The following FALEC variants were observed in gnomAD, a reference collection of about 807,000 sequenced individuals.
FALEC encodes focally amplified lncRNA regulator of ECM1.
chr1:150,520,631 T>C (rs893956722), downstream of FALEC, among the ~76,000 whole-genome samples: 2 of 152,182 alleles, frequency 1.3e-5, no homozygotes, highest in Non-Finnish European at 2.9e-5. Context: ...TTGTGAATAA[T>C]GCACAATTAT....
At chr1:150,522,867 G>A (rs148709038), downstream of FALEC, among the ~76,000 whole-genome samples, 32,919 of 67,374 alleles carry the variant, frequency 0.49, 8,522 homozygotes, top group Non-Finnish European at 0.52. Context: ...ATATATATAC[G>A]TATATATACA....
chr1:150,528,491 A>T, the FALEC span, among the ~76,000 whole-genome samples: 6 of 150,552 alleles, frequency 4.0e-5, no homozygotes, highest in Non-Finnish European at 7.4e-5. Context: ...CCTCAGGGAG[A>T]CCTTCCTGAA....
chr1:150,534,840 CAAA>C, the FALEC span, among the ~76,000 whole-genome samples: 23 of 121,052 alleles, frequency 1.9e-4, no homozygotes, highest in East Asian at 2.7e-4. Flanking sequence ...GACTCTGTCT[CAAA>C]AAAAAAAAAA....
At chr1:150,536,693 T>C in the FALEC span, among the ~76,000 whole-genome samples, 25,657 of 151,788 alleles carry the variant, frequency 0.17, 2,587 homozygotes, top group African/African-American at 0.29. Flanking sequence ...GGAGGCTGAG[T>C]GGGGAGGATA....
chr1:150,535,215 A>AGGG, the FALEC span, among the ~76,000 whole-genome samples: 64,874 of 151,724 alleles, frequency 0.43, 14,318 homozygotes, highest in Non-Finnish European at 0.49. Flanking sequence ...GTGTTGACAA[A>AGGG]CAGTATTTTT....
At chr1:150,532,345 G>A in the FALEC span, among the ~76,000 whole-genome samples, 2,394 of 152,340 alleles carry the variant, frequency 0.016, 31 homozygotes, top group Middle Eastern at 0.041. Context: ...GGACCACAGA[G>A]TTGGCTGTTA....
the FALEC span, among the ~76,000 whole-genome samples, chr1:150,529,016 CAAAA>C: frequency 2.5e-4 from 15 of 59,288 alleles, no homozygotes; most frequent in Admixed American, 6.4e-4. Context: ...AAATAAATAG[CAAAA>C]AAAAAAAAAA....
chr1:150,521,598 G>A (rs587649378), downstream of FALEC, among the ~76,000 whole-genome samples: 1 of 152,300 alleles, frequency 6.6e-6, no homozygotes, highest in Non-Finnish European at 1.5e-5. Context: ...TAACCACCTG[G>A]AGTTGATTTT....
chr1:150,522,832 ACTCTCTCT>A (rs71732573), downstream of FALEC, among the ~76,000 whole-genome samples: 51 of 59,550 alleles, frequency 8.6e-4, no homozygotes, highest in Non-Finnish European at 1.1e-3. Context: ...GGATTAATGA[ACTCTCTCT>A]CTCTCTCTCT....
the FALEC span, among the ~76,000 whole-genome samples, chr1:150,534,566 T>G: frequency 4.6e-5 from 7 of 152,114 alleles, no homozygotes; most frequent in East Asian, 3.9e-4. Context: ...CTCTCTAGCC[T>G]GGCACAGTGG....
At chr1:150,529,024 A>AAAAAAAAAAAAAAAAAAAAAAT in the FALEC span, among the ~76,000 whole-genome samples, 1 of 149,940 alleles carries the variant, frequency 6.7e-6, no homozygotes, top group African/African-American at 2.4e-5. Context: ...AGCAAAAAAA[A>AAAAAAAAAAAAAAAAAAAAAAT]AAAAAAAAAA....
At chr1:150,518,732 T>A (rs1254347667), downstream of FALEC, among the ~76,000 whole-genome samples, 1 of 151,804 alleles carries the variant, frequency 6.6e-6, no homozygotes. Context: ...AGTCAGTACA[T>A]AAGGCCAAAA....
chr1:150,522,900 T>TAC (rs1455825629), downstream of FALEC, among the ~76,000 whole-genome samples: 2 of 68,430 alleles, frequency 2.9e-5, 1 homozygote. Flanking sequence ...TATATATATA[T>TAC]ATACATATAT....
the FALEC span, among the ~76,000 whole-genome samples, chr1:150,533,098 G>A: frequency 2.6e-5 from 4 of 152,234 alleles, no homozygotes; most frequent in East Asian, 3.8e-4. Context: ...GGAGGCTCAC[G>A]CCTGGCCAGG....
chr1:150,530,473 A>C, the FALEC span, among the ~76,000 whole-genome samples: 2 of 152,094 alleles, frequency 1.3e-5, no homozygotes, highest in South Asian at 4.1e-4. Context: ...TGTAAAATGG[A>C]GATGATAACA....
chr1:150,527,184 G>C, the FALEC span, among the ~76,000 whole-genome samples: 1 of 148,424 alleles, frequency 6.7e-6, no homozygotes, highest in African/African-American at 2.5e-5. Flanking sequence ...CAGGTGATCA[G>C]CCTGGCTCAG....
the FALEC span, among the ~76,000 whole-genome samples, chr1:150,527,736 G>A: frequency 6.6e-6 from 1 of 152,052 alleles, no homozygotes; most frequent in African/African-American, 2.4e-5. Context: ...TGTGATTCCA[G>A]CTACTCGGGA....
the FALEC span, among the ~76,000 whole-genome samples, chr1:150,526,349 C>CAAAAA: frequency 0.015 from 910 of 61,658 alleles, 22 homozygotes; most frequent in African/African-American, 0.054. Context: ...AACTCCGTCT[C>CAAAAA]AAAAAAAAAA....
chr1:150,534,513 C>T, the FALEC span, among the ~76,000 whole-genome samples: 18 of 152,094 alleles, frequency 1.2e-4, no homozygotes, highest in African/African-American at 4.1e-4. Context: ...ATCTGTGCCC[C>T]CCCAGCCCCC....
Sources: allele counts gnomAD v4.1 joint callset (sites outside exome capture counted in the v4.1 genomes callset), GRCh38; gene constraint gnomAD v4.1.1; transcripts MANE v1.5; gene names NCBI Gene and HGNC (gene_info 2026-07-23, HGNC 2026-07-21).